UGT1A3: variants seen among roughly 807,000 people sequenced by gnomAD.
The protein encoded by UGT1A3 is UDP-glucuronosyltransferase 1A3.
A neutral mutation model predicts 41.0 loss-of-function variants in UGT1A3; 31 were observed. The observed-to-expected ratio is 0.76, with a 90% CI of 0.57 to 1.02. The LOEUF (loss-of-function observed/expected upper bound fraction) is 1.02. Ranked by LOEUF, UGT1A3 falls within the 50% of genes least tolerant of loss-of-function variation. The probability of loss-of-function intolerance (pLI) is 0.00; values close to 1 mark genes in which losing one functional copy is unlikely to be tolerated. For missense variants in UGT1A3, 737 were observed against 671.0 expected (o/e 1.10, Z -1.09); for synonymous variants, 262 against 257.6 (o/e 1.02, Z -0.17).
chr2:233,767,314 G>A, intron 2 of UGT1A3, 149 bp downstream of exon 2: 1 of 1,489,626 alleles, frequency 6.7e-7, no homozygotes, highest in Non-Finnish European at 8.8e-7. Flanking sequence ...GGTTTTTTTT[G>A]TTGTTGTGGT....
Position 233,767,101 on chromosome 2 carries a change from T to C in UGT1A3, c.935T>C (p.Val312Ala). ...GIVVFSLGSM[V>A]SEIPEKKAMA... ...GTGGTTTTCTCTTTGGGATCAATGG[T>C]CTCAGAAATTCCAGAGAAGAAAGCT... Residue 312 changes from valine to alanine, a missense_variant, in exon 2 of 5, where the codon GTC (valine) becomes GCC (alanine). Val to Ala is a moderately conservative substitution (Grantham distance 64). Coordinates refer to ENST00000482026, the MANE Select transcript of UGT1A3 (RefSeq NM_019093.4). The C allele has an allele frequency of 6.2e-7, 1 of 1,614,160 alleles. No individual in the cohort carries two copies. The highest frequency in any genetic ancestry group is 8.5e-7 in the Non-Finnish European group (1 of 1,180,020).
intron 1 of UGT1A3, among the ~76,000 whole-genome samples, chr2:233,756,735 C>T (rs1015618945): frequency 7.9e-5 from 12 of 152,180 alleles, no homozygotes; most frequent in African/African-American, 2.6e-4. Context: ...GTTCTCTTCA[C>T]CTCCTCCTTA....
intron 1 of UGT1A3, chr2:233,760,237 TATATATATATAA>T (rs1319876317): frequency 6.3e-7 from 1 of 1,597,346 alleles, no homozygotes; most frequent in South Asian, 1.1e-5. Flanking sequence ...TTTTGCCATA[TATATATATATAA>T]GTAGGAGAGG....
intron 1 of UGT1A3, among the ~76,000 whole-genome samples, chr2:233,746,336 A>G (rs1235397882): frequency 1.3e-5 from 2 of 151,736 alleles, no homozygotes; most frequent in Non-Finnish European, 2.9e-5. Context: ...AGGGCAATGG[A>G]CATGTTTATG....
At chr2:233,749,415 A>G (rs1694185994) in intron 1 of UGT1A3, among the ~76,000 whole-genome samples, 1 of 151,912 alleles carries the variant, frequency 6.6e-6, no homozygotes, top group Non-Finnish European at 1.5e-5. Context: ...TGTTAACTAC[A>G]TTGCTCAAAA....
chr2:233,740,676 A>C (rs1309493094), intron 1 of UGT1A3: 3 of 151,760 alleles, frequency 2.0e-5, no homozygotes, highest in Non-Finnish European at 4.4e-5. Flanking sequence ...AGGTGTTTCC[A>C]TGGAGGGTGT....
At chr2:233,736,510 T>C (rs77531777) in intron 1 of UGT1A3, among the ~76,000 whole-genome samples, 9,193 of 152,294 alleles carry the variant, frequency 0.06, 873 homozygotes, top group African/African-American at 0.21. Flanking sequence ...AGCCTACTTC[T>C]GTCAACTCGT....
chr2:233,755,031 C>A (rs758383518), intron 1 of UGT1A3: 1 of 1,312,808 alleles, frequency 7.6e-7, no homozygotes, highest in East Asian at 4.6e-5. Flanking sequence ...GAAGGGCCTG[C>A]CGCCTGCGCA....
intron 1 of UGT1A3, among the ~76,000 whole-genome samples, chr2:233,748,667 G>T (rs899453782): frequency 7.9e-5 from 12 of 151,802 alleles, no homozygotes; most frequent in Middle Eastern, 3.4e-3. Flanking sequence ...TTTCCAGAGA[G>T]GGATCTGTGC....
Position 233,772,649 on chromosome 2 carries a change from C to A in UGT1A3, c.*90C>A, listed in dbSNP as rs1644667767. The A allele has an allele frequency of 3.2e-6, 5 of 1,548,118 alleles. No individual in the cohort carries two copies. In the Admixed American group the frequency reaches 5.9e-5, roughly 18 times the overall value. On this transcript the variant is annotated 3_prime_UTR_variant, in exon 5 of 5. Coordinates refer to ENST00000482026, the MANE Select transcript of UGT1A3 (RefSeq NM_019093.4). Reference sequence around the variant, plus strand: ...GAATCAGTGTTAAATTCATTTTATTCTTATTAAGGAAATACTTTGCATAAA... The same window carrying A: ...GAATCAGTGTTAAATTCATTTTATTATTATTAAGGAAATACTTTGCATAAA...
chr2:233,757,096 G>T (rs1286563968), intron 1 of UGT1A3, among the ~76,000 whole-genome samples: 1 of 151,374 alleles, frequency 6.6e-6, no homozygotes, highest in Non-Finnish European at 1.5e-5. Flanking sequence ...GAGGCAGAGG[G>T]AGGGGGCAAG....
At chr2:233,757,562 G>GTATATATATATA (rs1491042837) in intron 1 of UGT1A3, among the ~76,000 whole-genome samples, 1 of 90,870 alleles carries the variant, frequency 1.1e-5, no homozygotes, top group Non-Finnish European at 2.1e-5. Flanking sequence ...ATATATATAT[G>GTATATATATATA]TATATATGAT....
rs1474978405 is a variant in UGT1A3, at chr2:233,736,640, C to A, written c.867+6647C>A. 3.3e-5 allele frequency among the ~76,000 whole-genome samples: 5 copies of A among 152,206 alleles called. No individual in the cohort carries two copies. In the South Asian group the frequency reaches 1.0e-3, roughly 32 times the overall value. ...TCAGCTTTTCTGCTCTAGTTTCCCC[C>A]CATCTTTGTGGTTTTATGTACCTTA... On this transcript the variant is annotated intron_variant, in intron 1 of 4. Coordinates refer to ENST00000482026, the MANE Select transcript of UGT1A3 (RefSeq NM_019093.4).
intron 1 of UGT1A3, chr2:233,743,763 C>A (rs1415597563): frequency 7.3e-7 from 1 of 1,367,254 alleles, no homozygotes; most frequent in African/African-American, 1.5e-5. Flanking sequence ...ACCTCGTAGG[C>A]CTCGGCCACC....
At chr2:233,759,068 T>G (rs1168767781) in intron 1 of UGT1A3, among the ~76,000 whole-genome samples, 1 of 152,198 alleles carries the variant, frequency 6.6e-6, no homozygotes, top group African/African-American at 2.4e-5. Flanking sequence ...GAAAAGGAAT[T>G]TGGAAGAAAG....
At chr2:233,747,972 G>T in intron 1 of UGT1A3, 1 of 1,613,464 alleles carries the variant, frequency 6.2e-7, no homozygotes, top group South Asian at 1.1e-5. Flanking sequence ...CCATGCATCT[G>T]TGTGGCTGTT....
Position 233,772,257 on chromosome 2 carries a change from T to C in UGT1A3, c.1308-5T>C. ...CAGGCATAACGAAACTGTCTTTGTGTTTAGTTACAAGGAGAACATCATGCG... is the reference window on the plus strand; with the variant it reads ...CAGGCATAACGAAACTGTCTTTGTGCTTAGTTACAAGGAGAACATCATGCG... On this transcript the variant is annotated splice_polypyrimidine_tract_variant and splice_region_variant and intron_variant, in intron 4 of 4. Transcript: ENST00000482026. 2 of 1,614,220 alleles carry C rather than the reference T, an allele frequency of 1.2e-6. No individual in the cohort carries two copies. Among genetic ancestry groups the C allele is most frequent in the Non-Finnish European group, 1.7e-6 (2 of 1,180,042 alleles).
rs1159047004 is a variant in UGT1A3, at chr2:233,755,329, C to T, written c.868-11705C>T. ...CAGCGAGCGGCAAGGCTGCCAGCAC[C>T]CGCGCACAGGTCAGAGGCTTGGCGA... On this transcript the variant is annotated intron_variant, in intron 1 of 4. Coordinates refer to ENST00000482026, the MANE Select transcript of UGT1A3 (RefSeq NM_019093.4). The T allele has an allele frequency of 1.7e-5, 8 of 468,526 alleles. No individual in the cohort carries two copies. The Admixed American group carries it at 2.8e-4, about 16-fold the overall frequency. 29.0% of individuals were successfully genotyped at this position (468,526 alleles called of 1,614,324 possible).
intron 1 of UGT1A3, among the ~76,000 whole-genome samples, chr2:233,749,142 T>G (rs1432365652): frequency 6.6e-6 from 1 of 151,878 alleles, no homozygotes; most frequent in Non-Finnish European, 1.5e-5. Flanking sequence ...GCATATGAAC[T>G]TCCATGACTT....
Sources: allele counts gnomAD v4.1 joint callset (sites outside exome capture counted in the v4.1 genomes callset), GRCh38; gene constraint gnomAD v4.1.1; transcripts MANE v1.5; gene names NCBI Gene and HGNC (gene_info 2026-07-23, HGNC 2026-07-21).